ESR1: variants seen among roughly 807,000 people sequenced by gnomAD.
ESR1 encodes the protein estrogen receptor 1, also known as estrogen receptor.
Under a neutral mutation model 52.7 loss-of-function variants are expected in ESR1, and 12 were observed. The ratio of observed to expected loss-of-function variants is 0.23; its 90% CI spans 0.15 to 0.37. The LOEUF is 0.37. ESR1 is among the 10% of genes least tolerant of loss of function. The pLI is 1.00. For synonymous variants in ESR1, 305 were observed against 316.8 expected (o/e 0.96, Z 0.39); for missense variants, 584 against 779.7 (o/e 0.75, Z 2.99).
chr6:151,881,314 T>C (rs936858001), intron 3 of ESR1, among the ~76,000 whole-genome samples: 5 of 152,206 alleles, frequency 3.3e-5, no homozygotes. Context: ...AGCATGGTGC[T>C]GGCATAGTTG....
chr6:151,864,927 G>T (rs2128295219), intron 2 of ESR1, among the ~76,000 whole-genome samples: 1 of 128,836 alleles, frequency 7.8e-6, no homozygotes, highest in East Asian at 2.4e-4. Context: ...ATTACACACT[G>T]GGGCCTGTTG....
chr6:152,118,131 G>A (rs1369746252), intron 6 of ESR1: 3 of 152,154 alleles, frequency 2.0e-5, no homozygotes, highest in African/African-American at 7.2e-5. Flanking sequence ...TGACCAAGAA[G>A]CTAAAAGCAG....
chr6:151,976,484 T>C (rs1266439825), intron 4 of ESR1, among the ~76,000 whole-genome samples: 1 of 152,144 alleles, frequency 6.6e-6, no homozygotes, highest in Non-Finnish European at 1.5e-5. Context: ...TTTCACACCA[T>C]GCCTATAAAA....
chr6:151,744,379 G>A (rs1049475226), intron 2 of ESR1, among the ~76,000 whole-genome samples: 9 of 152,196 alleles, frequency 5.9e-5, no homozygotes, highest in African/African-American at 1.4e-4. Flanking sequence ...CATCCTCACC[G>A]ACATTTGTTA....
intron 3 of ESR1, among the ~76,000 whole-genome samples, chr6:151,901,041 T>C (rs932890279): frequency 3.9e-5 from 6 of 152,154 alleles, no homozygotes; most frequent in African/African-American, 1.4e-4. Context: ...GCTACCAGGA[T>C]GGATAGGGAA....
upstream of ESR1, among the ~76,000 whole-genome samples, chr6:151,800,810 C>G (rs1391566118): frequency 6.6e-6 from 1 of 152,118 alleles, no homozygotes; most frequent in Non-Finnish European, 1.5e-5. Context: ...AAATGCATTA[C>G]TCCCTCCACA....
chr6:151,777,687 T>C (rs146310739), intron 2 of ESR1, among the ~76,000 whole-genome samples: 1 of 152,080 alleles, frequency 6.6e-6, no homozygotes. Context: ...GGGCTGGGTA[T>C]AGTGGCTCAT....
At chr6:152,068,413 C>A (rs963183405) in intron 6 of ESR1, among the ~76,000 whole-genome samples, 1 of 152,134 alleles carries the variant, frequency 6.6e-6, no homozygotes, top group African/African-American at 2.4e-5. Flanking sequence ...ACTGACCACA[C>A]AATTCATCTG....
At chr6:151,770,260 TAAG>T (rs1785406176) in intron 2 of ESR1, among the ~76,000 whole-genome samples, 1 of 152,164 alleles carries the variant, frequency 6.6e-6, no homozygotes, top group Non-Finnish European at 1.5e-5. Flanking sequence ...CATTTATAAA[TAAG>T]AAAATATTAT....
intron 2 of ESR1, among the ~76,000 whole-genome samples, chr6:151,866,682 A>G (rs942840196): frequency 6.6e-6 from 1 of 152,150 alleles, no homozygotes; most frequent in Admixed American, 6.6e-5. Flanking sequence ...GCTGCATAGT[A>G]TTCCATGGTG....
intron 3 of ESR1, among the ~76,000 whole-genome samples, chr6:151,939,139 G>A (rs567542974): frequency 6.7e-4 from 102 of 152,300 alleles, no homozygotes; most frequent in African/African-American, 2.4e-3. Flanking sequence ...ATGTATGAAT[G>A]ACAATGTATC....
At chr6:151,862,820 A>G (rs1000735923) in intron 2 of ESR1, among the ~76,000 whole-genome samples, 12 of 152,174 alleles carry the variant, frequency 7.9e-5, no homozygotes, top group African/African-American at 2.9e-4. Flanking sequence ...TTTATTGCTT[A>G]GTCTGTGAGT....
chr6:151,908,173 A>G (rs1171468094), intron 3 of ESR1, among the ~76,000 whole-genome samples: 3 of 152,142 alleles, frequency 2.0e-5, no homozygotes, highest in Non-Finnish European at 4.4e-5. Context: ...ATATTCTTAT[A>G]TAGGTTTAGT....
rs147060887 is a variant in ESR1, at chr6:151,905,689, T to G, written c.760+24918T>G. Among the ~76,000 whole-genome samples, 30 of 152,320 alleles carry G rather than the reference T, an allele frequency of 2.0e-4. No individual in the cohort carries two copies. The East Asian group carries it at 5.6e-3, about 28-fold the overall frequency. On this transcript the variant is annotated intron_variant, in intron 3 of 7. Coordinates refer to ENST00000206249, the MANE Select transcript of ESR1 (RefSeq NM_000125.4). ...AAGATGTTCAGCTGCTCTTAGAGTT[T>G]ATTTCTCCATATTTGGGCATATAAG...
intron 4 of ESR1, among the ~76,000 whole-genome samples, chr6:151,947,142 A>G (rs2035794313): frequency 6.6e-6 from 1 of 152,048 alleles, no homozygotes; most frequent in African/African-American, 2.4e-5. Context: ...ACATGACAAA[A>G]CCCTGTCTCT....
intron 5 of ESR1, among the ~76,000 whole-genome samples, chr6:152,038,564 C>G (rs981159443): frequency 6.6e-6 from 1 of 152,134 alleles, no homozygotes; most frequent in South Asian, 2.1e-4. Context: ...ACCAGAAATG[C>G]ACCAATTCCC....
intron 4 of ESR1, among the ~76,000 whole-genome samples, chr6:151,960,349 G>A (rs982781555): frequency 3.3e-5 from 5 of 152,202 alleles, no homozygotes; most frequent in African/African-American, 1.2e-4. Flanking sequence ...AGGAACTGTG[G>A]ACAAAAGAAA....
At chr6:151,971,440 G>A (rs1399945892) in intron 4 of ESR1, among the ~76,000 whole-genome samples, 1 of 152,016 alleles carries the variant, frequency 6.6e-6, no homozygotes, top group African/African-American at 2.4e-5. Context: ...GAGAATATAT[G>A]ATGTATGGTT....
chr6:151,685,534 C>T (rs1778632396), upstream of ESR1, among the ~76,000 whole-genome samples: 1 of 152,224 alleles, frequency 6.6e-6, no homozygotes, highest in Non-Finnish European at 1.5e-5. Context: ...GGCCAGCCTT[C>T]TCTGGATCCT....
Sources: allele counts gnomAD v4.1 joint callset (sites outside exome capture counted in the v4.1 genomes callset), GRCh38; gene constraint gnomAD v4.1.1; transcripts MANE v1.5; gene names NCBI Gene and HGNC (gene_info 2026-07-23, HGNC 2026-07-21).